The following MDFIC variants were observed in gnomAD, a reference collection of about 807,000 sequenced individuals.
The protein encoded by MDFIC is myoD family inhibitor domain-containing protein.
Under a neutral mutation model 23.2 loss-of-function variants are expected in MDFIC, and 17 were observed. The observed-to-expected ratio is 0.73, with a 90% CI of 0.50 to 1.10. The LOEUF is 1.10. Among genes scored for constraint, MDFIC ranks in the 50% least tolerant of loss-of-function variants. The pLI is 0.00. For missense variants in MDFIC, 356 were observed against 316.6 expected, an observed-to-expected ratio of 1.12 and a Z score of -0.95; for synonymous variants, 120 against 115.2, an observed-to-expected ratio of 1.04 and a Z score of -0.27.
Position 115,018,011 on chromosome 7 carries a change from T to G in MDFIC, c.*2076T>G, listed in dbSNP as rs1047530867. The G allele has an allele frequency of 1.3e-5, 2 of 151,970 alleles. No homozygotes were observed. The highest frequency in any genetic ancestry group is 2.9e-5 in the Non-Finnish European group (2 of 67,874). The allele number at this position is 151,970 out of a possible 1,614,324, so 9.4% of individuals were successfully genotyped here. On this transcript the variant is annotated 3_prime_UTR_variant, in exon 5 of 5. Coordinates refer to ENST00000393486, the MANE Select transcript of MDFIC (RefSeq NM_001166345.3). ...TTAAAAAGAAAAAACTTAGCAAACT[T>G]TTGAATCTTTCTTTTATTGCTATTT...
intron 4 of MDFIC, among the ~76,000 whole-genome samples, chr7:114,986,916 T>G (rs1056769362): frequency 2.0e-5 from 3 of 152,214 alleles, no homozygotes; most frequent in African/African-American, 7.2e-5. Flanking sequence ...GCCTACAGCC[T>G]AGTGCCTGGC....
chr7:114,924,666 G>A (rs574734570), intron 2 of MDFIC, among the ~76,000 whole-genome samples: 5 of 152,250 alleles, frequency 3.3e-5, no homozygotes, highest in African/African-American at 9.6e-5. Flanking sequence ...CTTAGCTTTA[G>A]CAACATAGTT....
chr7:114,951,669 T>C (rs764748497), intron 3 of MDFIC, among the ~76,000 whole-genome samples: 86 of 152,090 alleles, frequency 5.7e-4, no homozygotes, highest in Non-Finnish European at 6.5e-4. Flanking sequence ...TGTTTTTTTT[T>C]CCCATGAAGT....
At chr7:114,934,761 G>A (rs537618316) in intron 2 of MDFIC, among the ~76,000 whole-genome samples, 1 of 152,224 alleles carries the variant, frequency 6.6e-6, no homozygotes, top group South Asian at 2.1e-4. Flanking sequence ...CCTTGTGTTT[G>A]CACAATCTTG....
intron 4 of MDFIC, among the ~76,000 whole-genome samples, chr7:115,007,615 A>T (rs1024973329): frequency 8.1e-6 from 1 of 123,708 alleles, no homozygotes; most frequent in African/African-American, 3.2e-5. Context: ...CTATCTATCT[A>T]GTGTGCGTGT....
intron 4 of MDFIC, among the ~76,000 whole-genome samples, chr7:115,002,993 T>A (rs1791494060): frequency 6.6e-6 from 1 of 152,182 alleles, no homozygotes; most frequent in Non-Finnish European, 1.5e-5. Flanking sequence ...GCGGTCCCTG[T>A]TCCCTCACTT....
chr7:114,962,147 A>T (rs186456842), intron 3 of MDFIC, among the ~76,000 whole-genome samples: 2 of 152,234 alleles, frequency 1.3e-5, no homozygotes, highest in South Asian at 2.1e-4. Context: ...TAAATCAGGG[A>T]TCTATACTCT....
chr7:114,973,414 G>T (rs1793247622), intron 3 of MDFIC, among the ~76,000 whole-genome samples: 1 of 152,002 alleles, frequency 6.6e-6, no homozygotes, highest in South Asian at 2.1e-4. Flanking sequence ...TATAGAGAGG[G>T]CACACCCGGG....
chr7:114,938,442 T>C (rs1792473730), intron 2 of MDFIC, among the ~76,000 whole-genome samples: 1 of 152,174 alleles, frequency 6.6e-6, no homozygotes, highest in Admixed American at 6.5e-5. Context: ...AGTTGTGTAG[T>C]ACAAGATAAG....
intron 3 of MDFIC, among the ~76,000 whole-genome samples, chr7:114,973,646 A>G (rs1390754993): frequency 1.3e-5 from 2 of 152,150 alleles, no homozygotes; most frequent in Non-Finnish European, 2.9e-5. Flanking sequence ...ATGCAGAAAA[A>G]TTATTGCCTC....
intron 1 of MDFIC, 133 bp from the exon 2 acceptor site, chr7:114,922,794 C>T: frequency 7.6e-7 from 1 of 1,312,352 alleles, no homozygotes; most frequent in Admixed American, 2.9e-5. Context: ...GTTTTCTTCG[C>T]AAGTTTCAAA....
At chr7:114,943,492 A>G (rs1046765013) in intron 3 of MDFIC, among the ~76,000 whole-genome samples, 28 of 152,124 alleles carry the variant, frequency 1.8e-4, no homozygotes, top group African/African-American at 6.8e-4. Context: ...TAATTTTAGG[A>G]CCATTTTGGT....
At chr7:115,007,630 G>GTATATATATA (rs10528546) in intron 4 of MDFIC, among the ~76,000 whole-genome samples, 1,609 of 132,622 alleles carry the variant, frequency 0.012, 4 homozygotes, top group Non-Finnish European at 0.02. Context: ...GCGTGTGTGT[G>GTATATATATA]TATATATATA....
rs573181560 is a variant in MDFIC at position 115,009,740 on chromosome 7, G to A, written c.494-5948G>A. Among the ~76,000 whole-genome samples the A allele has an allele frequency of 2.6e-4, 39 of 152,296 alleles. 2 individuals carry two copies. The South Asian group carries it at 6.0e-3, about 23-fold the overall frequency. ...CTAAGCGTAACACTGATGACCTTTC[G>A]TAGGACTCAAAGATTTTGTTTGGGA... is the stretch of plus-strand genomic sequence containing the variant. On this transcript the variant is annotated intron_variant, in intron 4 of 4. Transcript: ENST00000393486.
At chr7:114,933,057 A>G (rs956302038) in intron 2 of MDFIC, among the ~76,000 whole-genome samples, 2 of 152,174 alleles carry the variant, frequency 1.3e-5, no homozygotes, top group African/African-American at 4.8e-5. Flanking sequence ...CATTCTTGTA[A>G]TAGTGCCAAG....
Position 115,019,246 on chromosome 7 carries a change from A to G in MDFIC, c.*3311A>G, listed in dbSNP as rs1400397716. 6.6e-6 allele frequency: 1 copy of G among 152,086 alleles called. No individual in the cohort carries two copies. Among genetic ancestry groups the G allele is most frequent in the Non-Finnish European group, 1.5e-5 (1 of 67,950 alleles). The allele number at this position is 152,086 out of a possible 1,614,324, so 9.4% of individuals were successfully genotyped here. A position where few individuals can be genotyped will look rare whatever the true frequency, so the allele number is the denominator to read the frequency against. On this transcript the variant is annotated 3_prime_UTR_variant, in exon 5 of 5. Transcript: ENST00000393486. ...TGGCGAAATTTTTGTAAATGCTCGCAGTTAGCATCTAACTAAAACAATACA... is the reference window on the plus strand; with the variant it reads ...TGGCGAAATTTTTGTAAATGCTCGCGGTTAGCATCTAACTAAAACAATACA...
rs1022018034 is a variant in MDFIC, at chr7:115,018,082, A to G, written c.*2147A>G. 2.0e-5 allele frequency: 3 copies of G among 152,008 alleles called. No individual in the cohort carries two copies. The highest frequency in any genetic ancestry group is 1.9e-4 in the East Asian group (1 of 5,198). The allele number at this position is 152,008 out of a possible 1,614,324, so 9.4% of individuals were successfully genotyped here. On this transcript the variant is annotated 3_prime_UTR_variant, in exon 5 of 5. Coordinates refer to ENST00000393486, the MANE Select transcript of MDFIC (RefSeq NM_001166345.3). ...AAAACCTTTAAATTTTGGGATCTGAATATAATTCTGGTAAACAGCTGTCTT... is the reference window on the plus strand; with the variant it reads ...AAAACCTTTAAATTTTGGGATCTGAGTATAATTCTGGTAAACAGCTGTCTT...
At chr7:114,928,216 A>G (rs1459433099) in intron 2 of MDFIC, among the ~76,000 whole-genome samples, 1 of 152,202 alleles carries the variant, frequency 6.6e-6, no homozygotes, top group African/African-American at 2.4e-5. Flanking sequence ...TAACTGGGAA[A>G]AAACTAAAAA....
At chr7:114,977,678 T>C in intron 3 of MDFIC, among the ~76,000 whole-genome samples, 1 of 152,088 alleles carries the variant, frequency 6.6e-6, no homozygotes, top group East Asian at 1.9e-4. Context: ...AACAGGTGAA[T>C]ATTCACATTT....
Sources: allele counts gnomAD v4.1 joint callset (sites outside exome capture counted in the v4.1 genomes callset), GRCh38; gene constraint gnomAD v4.1.1; transcripts MANE v1.5; gene names NCBI Gene and HGNC (gene_info 2026-07-23, HGNC 2026-07-21).